Variants in DLG2 observed in about 807,000 individuals in gnomAD.
The protein encoded by DLG2 is disks large homolog 2.
Under a neutral mutation model 132.5 loss-of-function variants are expected in DLG2, and 45 were observed. The ratio of observed to expected loss-of-function variants is 0.34; its 90% confidence interval spans 0.27 to 0.44. The LOEUF (loss-of-function observed/expected upper bound fraction) is 0.44, where lower values mean the gene tolerates loss of function less well. Among genes scored for constraint, DLG2 ranks in the 20% least tolerant of loss-of-function variants. DLG2 has a pLI of 1.00. For synonymous variants in DLG2, 424 were observed against 419.6 expected (o/e 1.01, Z -0.13); for missense variants, 1,045 against 1,196.9 (o/e 0.87, Z 1.87).
intron 3 of DLG2, among the ~76,000 whole-genome samples, chr11:85,568,863 G>A (rs2153225109): frequency 6.6e-6 from 1 of 151,860 alleles, no homozygotes; most frequent in African/African-American, 2.4e-5. Context: ...ACTGGTTTCG[G>A]TTTCATTGAT....
chr11:84,827,775 TA>T (rs927464740), intron 6 of DLG2, among the ~76,000 whole-genome samples: 16 of 141,092 alleles, frequency 1.1e-4, no homozygotes, highest in South Asian at 4.6e-4. Flanking sequence ...CTGGTGGTCA[TA>T]AAAAAAAATT....
At chr11:84,720,187 G>T (rs191400116) in intron 6 of DLG2, 2 of 864,494 alleles carry the variant, frequency 2.3e-6, no homozygotes, top group African/African-American at 3.6e-5. Context: ...CAGAGCAGTC[G>T]CAGCTTCTGT....
intron 6 of DLG2, among the ~76,000 whole-genome samples, chr11:84,941,887 C>T (rs2049480111): frequency 6.6e-6 from 1 of 151,968 alleles, no homozygotes; most frequent in African/African-American, 2.4e-5. Flanking sequence ...CTTTTCCTTG[C>T]TGGGAGATTT....
intron 4 of DLG2, among the ~76,000 whole-genome samples, chr11:85,181,454 C>T (rs887007839): frequency 2.6e-5 from 4 of 151,446 alleles, no homozygotes; most frequent in South Asian, 2.1e-4. Context: ...GATCTCTTTC[C>T]TTTTTAATTT....
intron 17 of DLG2, among the ~76,000 whole-genome samples, chr11:83,829,411 G>T (rs938467019): frequency 3.3e-5 from 5 of 151,924 alleles, no homozygotes; most frequent in Non-Finnish European, 7.4e-5. Flanking sequence ...TGGCCTGGCT[G>T]GTCTCAAACT....
At chr11:84,295,639 A>G (rs982180693) in intron 7 of DLG2, among the ~76,000 whole-genome samples, 4 of 152,194 alleles carry the variant, frequency 2.6e-5, no homozygotes, top group African/African-American at 9.7e-5. Context: ...AGATTCTGCG[A>G]GTTCACTAGG....
chr11:83,850,163 T>G lies in DLG2; in HGVS notation c.1566-16393A>C, dbSNP rs1442256661. ...GTGTGTGTGTGTGTGTGTGTGTGTT[T>G]TTTTACTTGAGACGGAGTCTCACTC... On this transcript the variant is annotated intron_variant, in intron 16 of 27. Coordinates refer to ENST00000376104, the MANE Select transcript of DLG2 (RefSeq NM_001142699.3). Among the ~76,000 whole-genome samples, 191 of 135,036 alleles carry G rather than the reference T, an allele frequency of 1.4e-3. 4 individuals are homozygous for G. The highest frequency in any genetic ancestry group is 3.7e-3 in the African/African-American group (125 of 33,360). 88.6% of individuals were successfully genotyped at this position (135,036 alleles called of 152,430 possible). A position where few individuals can be genotyped will look rare whatever the true frequency, so the allele number is the denominator to read the frequency against.
intron 7 of DLG2, among the ~76,000 whole-genome samples, chr11:84,391,083 A>G (rs1046159470): frequency 6.6e-6 from 1 of 152,142 alleles, no homozygotes; most frequent in Non-Finnish European, 1.5e-5. Flanking sequence ...AAGTTGAGGG[A>G]TACACCTATA....
chr11:84,795,135 C>T (rs2074397706), intron 6 of DLG2, among the ~76,000 whole-genome samples: 1 of 152,170 alleles, frequency 6.6e-6, no homozygotes, highest in African/African-American at 2.4e-5. Flanking sequence ...CATGCACTTC[C>T]TCCACTCTTT....
At chr11:84,605,817 G>A (rs1246300234) in intron 6 of DLG2, among the ~76,000 whole-genome samples, 1 of 151,900 alleles carries the variant, frequency 6.6e-6, no homozygotes, top group Non-Finnish European at 1.5e-5. Context: ...TCTTCAAATA[G>A]GTTTGCTCAC....
At chr11:83,599,814 G>T (rs2058233717) in intron 19 of DLG2, among the ~76,000 whole-genome samples, 1 of 152,176 alleles carries the variant, frequency 6.6e-6, no homozygotes, top group Admixed American at 6.5e-5. Flanking sequence ...CCTACAGTGA[G>T]TTGAAAAGCA....
At chr11:84,540,123 A>C (rs1403059618) in intron 6 of DLG2, among the ~76,000 whole-genome samples, 1 of 152,210 alleles carries the variant, frequency 6.6e-6, no homozygotes, top group Admixed American at 6.5e-5. Flanking sequence ...CTCAGGACAT[A>C]GGCATGGGCA....
chr11:84,176,218 A>T (rs1472669553), intron 8 of DLG2, among the ~76,000 whole-genome samples: 2 of 151,770 alleles, frequency 1.3e-5, no homozygotes, highest in Non-Finnish European at 2.9e-5. Context: ...AAAGGTGAAG[A>T]GGTAGAAATT....
chr11:83,492,244 A>T (rs777841910), intron 21 of DLG2, among the ~76,000 whole-genome samples: 11 of 152,056 alleles, frequency 7.2e-5, no homozygotes, highest in Non-Finnish European at 1.3e-4. Flanking sequence ...CATTAGACAT[A>T]GTTCATCATA....
At chr11:83,959,232 C>T (rs1591840497) in intron 14 of DLG2, among the ~76,000 whole-genome samples, 1 of 151,998 alleles carries the variant, frequency 6.6e-6, no homozygotes, top group African/African-American at 2.4e-5. Flanking sequence ...AAAAAATCTA[C>T]CTAGGTTATT....
chr11:84,553,898 T>G (rs528596632), intron 6 of DLG2, among the ~76,000 whole-genome samples: 8 of 152,336 alleles, frequency 5.3e-5, no homozygotes, highest in Admixed American at 3.9e-4. Context: ...AATTAAAATT[T>G]GAAAGATAAA....
chr11:84,086,216 G>T (rs532659932), intron 10 of DLG2, among the ~76,000 whole-genome samples: 1 of 152,194 alleles, frequency 6.6e-6, no homozygotes, highest in South Asian at 2.1e-4. Flanking sequence ...TAAATAAATT[G>T]TATCTTTAAA....
chr11:83,830,713 G>T (rs1288783039), intron 17 of DLG2, among the ~76,000 whole-genome samples: 1 of 152,196 alleles, frequency 6.6e-6, no homozygotes, highest in Non-Finnish European at 1.5e-5. Context: ...ACACTGACTT[G>T]AGTTCAGCTT....
intron 19 of DLG2, among the ~76,000 whole-genome samples, chr11:83,610,848 G>T (rs1412732924): frequency 6.6e-6 from 1 of 152,112 alleles, no homozygotes; most frequent in African/African-American, 2.4e-5. Context: ...CTGAGACTTA[G>T]AGAAAACAAC....
Sources: gnomAD v4.1 joint callset for allele counts (sites outside exome capture counted in the v4.1 genomes callset) on GRCh38, gnomAD v4.1.1 for gene constraint, MANE v1.5 for transcripts, NCBI Gene and HGNC (gene_info 2026-07-23, HGNC 2026-07-21) for gene names.